Variants in RAD51B observed in about 807,000 individuals in gnomAD.
RAD51B encodes the protein DNA repair protein RAD51 homolog 2.
RAD51B carries 38 observed loss-of-function variants against 42.2 expected under a neutral mutation model. The observed-to-expected ratio is 0.90, with a 90% CI of 0.70 to 1.18. RAD51B has a LOEUF of 1.18. RAD51B is among the 50% of genes most tolerant of loss of function. The pLI is 0.00. For missense variants in RAD51B, 373 were observed against 400.7 expected (o/e 0.93, Z 0.59); for synonymous variants, 154 against 145.2 (o/e 1.06, Z -0.43).
chr14:67,931,315 A>AT (rs2044724787), intron 7 of RAD51B, among the ~76,000 whole-genome samples: 3 of 151,490 alleles, frequency 2.0e-5, no homozygotes, highest in Admixed American at 6.6e-5. Context: ...TGTACTTTGT[A>AT]TTTTTTCAAG....
Position 67,885,933 on chromosome 14 carries a change from A to G in RAD51B, c.517A>G (p.Thr173Ala). 6.2e-7 allele frequency: 1 copy of G among 1,607,274 alleles called. No individual in the cohort carries two copies. Among genetic ancestry groups the G allele is most frequent in the Middle Eastern group, 1.7e-4 (1 of 6,024 alleles). The change falls in exon 6 of 11, where the codon ACA (threonine) becomes GCA (alanine). Residue 173 changes from threonine to alanine, a missense_variant. Coordinates refer to ENST00000471583, the MANE Select transcript of RAD51B (RefSeq NM_133510.4). ...TAACACTGAAGAAAAGTTACTTTTGACAAGTAGTAAAGTTCATCTTTATCG... is the reference window on the plus strand; with the variant it reads ...TAACACTGAAGAAAAGTTACTTTTGGCAAGTAGTAAAGTTCATCTTTATCG... ...YFNTEEKLLL[T>A]SSKVHLYREL... is the part of the protein sequence containing the mutation.
chr14:68,499,847 G>C (rs898521101), intron 10 of RAD51B, among the ~76,000 whole-genome samples: 20 of 152,208 alleles, frequency 1.3e-4, no homozygotes, highest in Admixed American at 1.3e-4. Flanking sequence ...CAGACACCTT[G>C]ATGTGGGGCT....
chr14:68,296,481 T>C (rs2081616516), intron 8 of RAD51B, among the ~76,000 whole-genome samples: 1 of 152,208 alleles, frequency 6.6e-6, no homozygotes, highest in Admixed American at 6.5e-5. Context: ...TAAGAACTGT[T>C]GGACCTCAGT....
At chr14:68,104,685 A>G (rs551953420) in intron 7 of RAD51B, among the ~76,000 whole-genome samples, 1 of 152,236 alleles carries the variant, frequency 6.6e-6, no homozygotes, top group South Asian at 2.1e-4. Flanking sequence ...CTGCTCACAT[A>G]CCAATTGAGT....
intron 4 of RAD51B, among the ~76,000 whole-genome samples, chr14:67,839,731 GT>G (rs2041362813): frequency 6.6e-6 from 1 of 151,634 alleles, no homozygotes; most frequent in East Asian, 1.9e-4. Context: ...TTTTTGTGGG[GT>G]TATTCTTTGC....
In RAD51B at chr14:67,890,854, A is replaced by T. The variant is rs537113955; in HGVS notation, c.756+3650A>T. 4.6e-5 allele frequency among the ~76,000 whole-genome samples: 7 copies of T among 152,150 alleles called. No homozygotes were observed. In the South Asian group the frequency reaches 1.2e-3, roughly 27 times the overall value. ...TTGAATTTTTTTATGCTTGCTGCTG[A>T]AATTCTTATGTTTTTGTTTTTAAAT... On this transcript the variant is annotated intron_variant, in intron 7 of 10. Transcript: ENST00000471583.
chr14:67,893,506 AC>A (rs61577584), intron 7 of RAD51B, among the ~76,000 whole-genome samples: 7,645 of 62,194 alleles, frequency 0.12, 367 homozygotes, highest in East Asian at 0.26. Flanking sequence ...ACACACACAC[AC>A]ACAAAAAAAA....
At chr14:68,195,776 C>T (rs1165920877) in intron 7 of RAD51B, among the ~76,000 whole-genome samples, 1 of 151,492 alleles carries the variant, frequency 6.6e-6, no homozygotes, top group Non-Finnish European at 1.5e-5. Flanking sequence ...GGCATGGTGG[C>T]ACATGCCTGT....
At chr14:68,274,467 A>C (rs1417342581) in intron 7 of RAD51B, among the ~76,000 whole-genome samples, 2 of 152,156 alleles carry the variant, frequency 1.3e-5, no homozygotes, top group African/African-American at 2.4e-5. Flanking sequence ...AACAAAATTA[A>C]CAATTCATTA....
intron 7 of RAD51B, among the ~76,000 whole-genome samples, chr14:68,057,096 A>C (rs116185595): frequency 0.026 from 3,929 of 152,198 alleles, 171 homozygotes; most frequent in African/African-American, 0.089. Flanking sequence ...TCTCAAAAAA[A>C]AAAAAAACAA....
At chr14:68,155,191 A>G (rs2078475457) in intron 7 of RAD51B, among the ~76,000 whole-genome samples, 1 of 149,818 alleles carries the variant, frequency 6.7e-6, no homozygotes, top group Admixed American at 6.6e-5. Flanking sequence ...ATAGTATTAT[A>G]TTTCTTTTTT....
intron 11 of RAD51B, among the ~76,000 whole-genome samples, chr14:68,653,882 C>T (rs112796720): frequency 0.025 from 3,797 of 152,288 alleles, 140 homozygotes; most frequent in African/African-American, 0.071. Flanking sequence ...CACAGGGGTA[C>T]CACAGAACAA....
chr14:68,116,410 A>G (rs937415894), intron 7 of RAD51B, among the ~76,000 whole-genome samples: 11 of 152,066 alleles, frequency 7.2e-5, no homozygotes, highest in African/African-American at 2.7e-4. Flanking sequence ...GTCTATGTAA[A>G]GCATAAGTAG....
intron 8 of RAD51B, chr14:68,339,338 C>T: frequency 1.9e-6 from 2 of 1,031,010 alleles, no homozygotes; most frequent in Non-Finnish European, 3.0e-6. Flanking sequence ...CTCTCTGCCG[C>T]TGCAACCTGA....
chr14:67,842,134 A>T lies in RAD51B; in HGVS notation c.315+6938A>T, dbSNP rs1311584409. On this transcript the variant is annotated intron_variant, in intron 4 of 10. Coordinates refer to ENST00000471583, the MANE Select transcript of RAD51B (RefSeq NM_133510.4). ...GGTTAGATGTATTCCTAGATATTTT[A>T]TTTTTTTTGTGTAGCTATTGTAAAT... Among the ~76,000 whole-genome samples, 4 of 151,860 alleles carry T rather than the reference A, an allele frequency of 2.6e-5. No individual in the cohort carries two copies. The South Asian group carries it at 6.2e-4, about 24-fold the overall frequency.
chr14:68,506,151 T>A (rs901554622), intron 10 of RAD51B, among the ~76,000 whole-genome samples: 4 of 151,908 alleles, frequency 2.6e-5, no homozygotes, highest in Admixed American at 1.3e-4. Flanking sequence ...TAATAAGAGG[T>A]GACAAAGCAG....
At chr14:68,594,285 G>A (rs1890888126) in intron 10 of RAD51B, among the ~76,000 whole-genome samples, 1 of 152,212 alleles carries the variant, frequency 6.6e-6, no homozygotes, top group Non-Finnish European at 1.5e-5. Context: ...GCAAGAGAGA[G>A]AGTTTGTGTG....
intron 7 of RAD51B, among the ~76,000 whole-genome samples, chr14:68,226,952 T>C (rs1396776219): frequency 6.6e-6 from 1 of 152,224 alleles, no homozygotes; most frequent in Non-Finnish European, 1.5e-5. Flanking sequence ...GAAATGTTTA[T>C]TATGCCCTAC....
At chr14:68,266,949 G>A (rs528796114) in intron 7 of RAD51B, among the ~76,000 whole-genome samples, 9 of 152,212 alleles carry the variant, frequency 5.9e-5, no homozygotes, top group East Asian at 1.9e-4. Flanking sequence ...TATACATTAC[G>A]CAAAAAGTTA....
Sources: allele counts gnomAD v4.1 joint callset (sites outside exome capture counted in the v4.1 genomes callset), GRCh38; gene constraint gnomAD v4.1.1; transcripts MANE v1.5; gene names NCBI Gene and HGNC (gene_info 2026-07-23, HGNC 2026-07-21).